Variants in TRIM71 observed in about 807,000 individuals in gnomAD.
TRIM71 encodes tripartite motif containing 71.
In TRIM71, 9 loss-of-function variants were observed where a neutral mutation model predicts 61.2. The ratio of observed to expected loss-of-function variants is 0.15; its 90% CI spans 0.09 to 0.26. The LOEUF (loss-of-function observed/expected upper bound fraction) is 0.26. TRIM71 is among the 10% of genes least tolerant of loss of function. TRIM71 has a pLI of 1.00. For synonymous variants in TRIM71, 645 were observed against 553.2 expected (o/e 1.17, Z -2.33); for missense variants, 998 against 1,238.7 (o/e 0.81, Z 2.92).
chr3:32,833,634 TTTTATTTATTTATTTATTTA>T (rs572371235), intron 1 of TRIM71, among the ~76,000 whole-genome samples: 18 of 146,788 alleles, frequency 1.2e-4, no homozygotes, highest in African/African-American at 3.5e-4. Context: ...GAGAATGCTT[TTTTATTTATTTATTTATTTA>T]TTTATTTATT....
rs1696089679 is a variant in TRIM71 at position 32,818,612 on chromosome 3, C to G, written c.532C>G (p.Arg178Gly). The G allele has an allele frequency of 7.2e-7, 1 of 1,398,412 alleles. No individual in the cohort carries two copies. Among genetic ancestry groups the G allele is most frequent in the Non-Finnish European group, 9.2e-7 (1 of 1,084,020 alleles). 86.6% of individuals were successfully genotyped at this position (1,398,412 alleles called of 1,614,324 possible). A position where few individuals can be genotyped will look rare whatever the true frequency, so the allele number is the denominator to read the frequency against. Residue 178 changes from arginine (R) to glycine (G), a missense_variant, in exon 1 of 4, where the codon CGC (arginine) becomes GGC (glycine). By Grantham distance (125) the Arg-to-Gly change is moderately radical. Transcript: ENST00000383763. ...PQAPQPPAPS[R>G]SAPGGPAASP... ...GGCGCCGCAGCCGCCCGCGCCTTCC[C>G]GCTCGGCACCCGGCGGCCCTGCCGC...
chr3:32,863,608 T>C (rs1696698384), intron 1 of TRIM71, among the ~76,000 whole-genome samples: 1 of 152,208 alleles, frequency 6.6e-6, no homozygotes. Context: ...ATGCAATATA[T>C]TCTCTTGATT....
At chr3:32,845,446 T>C (rs1345457747) in intron 1 of TRIM71, among the ~76,000 whole-genome samples, 3 of 152,180 alleles carry the variant, frequency 2.0e-5, no homozygotes, top group Non-Finnish European at 4.4e-5. Flanking sequence ...CACCACACCA[T>C]GAACAGTCTT....
chr3:32,891,679 C>A lies in TRIM71; in HGVS notation c.2475C>A (p.Gly825=). The change falls in exon 4 of 4, where the codon GGC becomes GGA. Residue 825 remains glycine, a synonymous_variant. Coordinates refer to ENST00000383763, the MANE Select transcript of TRIM71 (RefSeq NM_001039111.3). The surrounding 1 kb of genome is among the most constrained non-coding windows in gnomAD (Gnocchi z 8.2). The part of the protein sequence containing the change: ...NHRVQMFESN[G]SFLCKFGAQG... ...GGGTACAGATGTTTGAATCCAACGG[C>A]AGCTTCCTGTGCAAGTTTGGTGCTC... is the stretch of plus-strand genomic sequence containing the variant. 1 of 1,614,028 alleles carries A rather than the reference C, an allele frequency of 6.2e-7. No homozygotes were observed. The highest frequency in any genetic ancestry group is 8.5e-7 in the Non-Finnish European group (1 of 1,179,926).
At position 32,855,788 on chromosome 3, in the gene TRIM71, C is replaced by T. The variant is rs1696595468; in HGVS notation, c.853-18030C>T. On this transcript the variant is annotated intron_variant, in intron 1 of 3. Transcript: ENST00000383763. ...TTTAAGTGGTGAGGGAAGGGATGCC[C>T]TATGTGGTACACAGGGCTAATGAGC... Among the ~76,000 whole-genome samples the T allele has an allele frequency of 2.0e-5, 3 of 152,128 alleles. No individual in the cohort carries two copies. In the South Asian group the frequency reaches 6.2e-4, roughly 32 times the overall value.
At chr3:32,834,558 G>A (rs1244020731) in intron 1 of TRIM71, among the ~76,000 whole-genome samples, 1 of 152,138 alleles carries the variant, frequency 6.6e-6, no homozygotes. Flanking sequence ...CAGTTTTAAA[G>A]TTGGAAAACG....
intron 2 of TRIM71, among the ~76,000 whole-genome samples, chr3:32,885,425 T>C (rs1696949639): frequency 6.6e-6 from 1 of 152,146 alleles, no homozygotes; most frequent in Non-Finnish European, 1.5e-5. Context: ...GCACTTGGTG[T>C]TCGTTCTGGC....
intron 1 of TRIM71, among the ~76,000 whole-genome samples, chr3:32,839,531 C>T (rs989364098): frequency 6.6e-6 from 1 of 151,948 alleles, no homozygotes; most frequent in Admixed American, 6.6e-5. Flanking sequence ...CCCCGGAAGA[C>T]GTGATGTTAC....
chr3:32,867,761 C>T (rs1261567408), intron 1 of TRIM71, among the ~76,000 whole-genome samples: 1 of 152,210 alleles, frequency 6.6e-6, no homozygotes, highest in Non-Finnish European at 1.5e-5. Context: ...CAGTGATTGT[C>T]AAAAATACTA....
In TRIM71 at chr3:32,831,316, C is replaced by T. The variant is rs924598548; in HGVS notation, c.852+12384C>T. 1.3e-4 allele frequency among the ~76,000 whole-genome samples: 14 copies of T among 108,178 alleles called. No homozygotes were observed. The East Asian group carries it at 1.5e-3, about 11-fold the overall frequency. 71.0% of individuals were successfully genotyped at this position (108,178 alleles called of 152,430 possible). On this transcript the variant is annotated intron_variant, in intron 1 of 3. Coordinates refer to ENST00000383763, the MANE Select transcript of TRIM71 (RefSeq NM_001039111.3). The stretch of plus-strand genomic sequence containing the variant: ...TCACTTAACTGACTTGATTTCTGAC[C>T]GTTAAGATGGGAGTGATAGAGGTGG...
chr3:32,831,976 G>A (rs1575342530), intron 1 of TRIM71, among the ~76,000 whole-genome samples: 1 of 152,116 alleles, frequency 6.6e-6, no homozygotes, highest in East Asian at 1.9e-4. Context: ...GCCTGTTTCT[G>A]CTCAGTGTGA....
intron 1 of TRIM71, among the ~76,000 whole-genome samples, chr3:32,830,640 G>T (rs1292158578): frequency 6.6e-6 from 1 of 152,114 alleles, no homozygotes; most frequent in Non-Finnish European, 1.5e-5. Flanking sequence ...CGATATCAGT[G>T]GATTTAAGGA....
At chr3:32,878,839 A>ATTGAAGCTTTGAAGCCAGGCATTGAC (rs1266725040) in intron 2 of TRIM71, among the ~76,000 whole-genome samples, 4 of 152,252 alleles carry the variant, frequency 2.6e-5, no homozygotes, top group Admixed American at 6.5e-5. Flanking sequence ...CAGCCCGTCC[A>ATTGAAGCTTTGAAGCCAGGCATTGAC]TTGAAGCTTT....
intron 1 of TRIM71, among the ~76,000 whole-genome samples, chr3:32,861,297 C>T (rs555175163): frequency 6.6e-6 from 1 of 151,436 alleles, no homozygotes; most frequent in African/African-American, 2.4e-5. Flanking sequence ...CTGCCTCAGC[C>T]TCCTGAGTAG....
chr3:32,891,559 C>T lies in TRIM71; in HGVS notation c.2355C>T (p.Gly785=), dbSNP rs1697025035. 1 of 1,613,708 alleles carries T rather than the reference C, an allele frequency of 6.2e-7. No individual in the cohort carries two copies. Reference sequence around the variant, plus strand: ...ACTGCCAGTCGGCACGCTTTCTGGGCTCGGAGGGCACAGGCAATGGGCAGT... The same window carrying T: ...ACTGCCAGTCGGCACGCTTTCTGGGTTCGGAGGGCACAGGCAATGGGCAGT... The part of the protein sequence containing the change: ...HPDCQSARFL[G]SEGTGNGQFL... The change falls in exon 4 of 4, where the codon GGC becomes GGT. Residue 785 remains glycine, a synonymous_variant. Coordinates refer to ENST00000383763, the MANE Select transcript of TRIM71 (RefSeq NM_001039111.3). The surrounding 1 kb of genome is among the most constrained non-coding windows in gnomAD (Gnocchi z 8.2).
intron 1 of TRIM71, among the ~76,000 whole-genome samples, chr3:32,821,196 A>G (rs992079067): frequency 6.6e-6 from 1 of 152,146 alleles, no homozygotes; most frequent in East Asian, 1.9e-4. Context: ...GCTTTAGGAC[A>G]TTTTTGGAGG....
At chr3:32,888,517 C>T (rs1696985348) in intron 3 of TRIM71, among the ~76,000 whole-genome samples, 1 of 145,306 alleles carries the variant, frequency 6.9e-6, no homozygotes. Context: ...ATTTCCCAAG[C>T]TAATCCTTTT....
intron 1 of TRIM71, among the ~76,000 whole-genome samples, chr3:32,824,441 C>T (rs1389495107): frequency 4.0e-5 from 6 of 151,546 alleles, no homozygotes; most frequent in Admixed American, 3.9e-4. Context: ...GATCCACCTG[C>T]CTCGGCTTCC....
intron 1 of TRIM71, among the ~76,000 whole-genome samples, chr3:32,862,466 G>T (rs1696682120): frequency 6.6e-6 from 1 of 152,162 alleles, no homozygotes; most frequent in Admixed American, 6.5e-5. Flanking sequence ...GAACTGAAAG[G>T]GTTTCAGGTG....
Sources: gnomAD v4.1 joint callset for allele counts (sites outside exome capture counted in the v4.1 genomes callset) on GRCh38, gnomAD v4.1.1 for gene constraint, Gnocchi (gnomAD v3.1) non-coding constraint, MANE v1.5 for transcripts, NCBI Gene and HGNC (gene_info 2026-07-23, HGNC 2026-07-21) for gene names.